The following LARP1B variants were observed in gnomAD, a reference collection of about 807,000 sequenced individuals.
The protein encoded by LARP1B is la-related protein 1B.
In LARP1B, 76 loss-of-function variants were observed where a neutral mutation model predicts 114.2. The observed-to-expected ratio is 0.67, with a 90% CI of 0.55 to 0.81. The LOEUF (loss-of-function observed/expected upper bound fraction) is 0.81. LARP1B is among the 30% of genes least tolerant of loss of function. The pLI is 0.00. For synonymous variants in LARP1B, 345 were observed against 348.0 expected (o/e 0.99, Z 0.10); for missense variants, 1,014 against 1,075.8 (o/e 0.94, Z 0.80).
intron 1 of LARP1B, among the ~76,000 whole-genome samples, chr4:128,064,068 TC>T (rs1231934966): frequency 6.6e-6 from 1 of 151,938 alleles, no homozygotes; most frequent in Non-Finnish European, 1.5e-5. Context: ...GGTCAGGAGT[TC>T]GAGATCAGCC....
At chr4:128,182,405 C>T (rs966403609) in intron 15 of LARP1B, among the ~76,000 whole-genome samples, 8 of 152,078 alleles carry the variant, frequency 5.3e-5, no homozygotes, top group African/African-American at 1.7e-4. Context: ...CCACCATGCC[C>T]AGCTACTATT....
intron 9 of LARP1B, chr4:128,108,800 CAT>C (rs1383051039): frequency 5.1e-6 from 5 of 984,266 alleles, no homozygotes; most frequent in Admixed American, 6.2e-5. Flanking sequence ...GATAAAATAG[CAT>C]ATACTTTCTC....
intron 11 of LARP1B, among the ~76,000 whole-genome samples, chr4:128,161,050 A>G (rs1738236190): frequency 6.6e-6 from 1 of 152,206 alleles, no homozygotes; most frequent in Admixed American, 6.5e-5. Context: ...GTTGCCCTGT[A>G]AAGATTCATG....
At chr4:128,114,878 C>G in intron 10 of LARP1B, 136 bp downstream of exon 10, 1 of 643,632 alleles carries the variant, frequency 1.6e-6, no homozygotes, top group Non-Finnish European at 2.7e-6. Flanking sequence ...TGTTGGCCTT[C>G]AGTAGACACT....
intron 6 of LARP1B, among the ~76,000 whole-genome samples, chr4:128,219,140 A>C (rs1240946685): frequency 5.3e-5 from 8 of 151,172 alleles, no homozygotes; most frequent in Non-Finnish European, 8.9e-5. Context: ...AAAAGTCAGG[A>C]AACAACAGGT....
intron 12 of LARP1B, among the ~76,000 whole-genome samples, chr4:128,170,872 C>CTTTTTTTTTTTTTTTTT (rs70966085): frequency 4.5e-4 from 43 of 94,916 alleles, no homozygotes; most frequent in South Asian, 7.2e-4. Flanking sequence ...TTTTTCTTTT[C>CTTTTTTTTTTTTTTTTT]TTTTTTTTTT....
At chr4:128,107,665 T>TA (rs1366309723) in intron 9 of LARP1B, 1 of 1,430,038 alleles carries the variant, frequency 7.0e-7, no homozygotes, top group African/African-American at 1.4e-5. Flanking sequence ...AAAGGTCTTA[T>TA]ACTCAAGAGT....
intron 10 of LARP1B, among the ~76,000 whole-genome samples, chr4:128,121,248 C>T (rs1371845223): frequency 6.6e-6 from 1 of 152,210 alleles, no homozygotes; most frequent in African/African-American, 2.4e-5. Flanking sequence ...TAAAAAGGTT[C>T]GGAATAGGGA....
At chr4:128,153,554 T>G (rs1733947016) in intron 11 of LARP1B, among the ~76,000 whole-genome samples, 2 of 152,194 alleles carry the variant, frequency 1.3e-5, no homozygotes, top group South Asian at 4.1e-4. Context: ...TCCATCCGCC[T>G]TGGCCTCCCA....
chr4:128,077,733 G>C, intron 3 of LARP1B, 55 bp from the exon 4 acceptor site: 1 of 1,446,292 alleles, frequency 6.9e-7, no homozygotes, highest in Non-Finnish European at 9.1e-7. Flanking sequence ...AAATTTTTGG[G>C]TATGTTAGTG....
In LARP1B at chr4:128,091,364, TATGGTTATCAAGAAC is replaced by T. The variant is rs759172164; in HGVS notation, c.526_540del (p.Tyr176_Gly180del). The T allele has an allele frequency of 3.9e-5, 63 of 1,610,490 alleles. No homozygotes were observed. The highest frequency in any genetic ancestry group is 1.7e-4 in the Admixed American group (10 of 59,472). On this transcript the variant is annotated inframe_deletion, in exon 7 of 20. Transcript: ENST00000326639. ...ACATCAAGTGAACTTTGATTATTCA[TATGGTTATCAAGAAC>T]ATGGTGAAAGGACTGATCAACCATT...
At chr4:128,122,300 C>A in intron 11 of LARP1B, 112 bp downstream of exon 11, 1 of 1,513,812 alleles carries the variant, frequency 6.6e-7, no homozygotes. Context: ...AATATAAATA[C>A]ATTGTATTTA....
At chr4:128,082,342 A>G in intron 5 of LARP1B, 37 bp downstream of exon 5, 1 of 1,573,524 alleles carries the variant, frequency 6.4e-7, no homozygotes, top group Non-Finnish European at 8.7e-7. Flanking sequence ...GACTAAGGAA[A>G]GACTTAGTCT....
chr4:128,138,618 A>G (rs1428651709), intron 11 of LARP1B, among the ~76,000 whole-genome samples: 2 of 152,210 alleles, frequency 1.3e-5, no homozygotes, highest in South Asian at 4.1e-4. Flanking sequence ...ATAAGAAATT[A>G]GAATTCATGA....
At chr4:128,157,415 G>A (rs934742284) in intron 11 of LARP1B, among the ~76,000 whole-genome samples, 2 of 152,114 alleles carry the variant, frequency 1.3e-5, no homozygotes, top group African/African-American at 4.8e-5. Context: ...GGAAGAGAGA[G>A]AGAATAAAGC....
chr4:128,143,232 C>G (rs551415683), intron 11 of LARP1B, among the ~76,000 whole-genome samples: 115 of 152,122 alleles, frequency 7.6e-4, no homozygotes, highest in African/African-American at 2.7e-3. Context: ...TTGCAGTGAG[C>G]CAAGATCATG....
chr4:128,169,060 T>C (rs1476074105), intron 12 of LARP1B, among the ~76,000 whole-genome samples: 1 of 152,168 alleles, frequency 6.6e-6, no homozygotes, highest in African/African-American at 2.4e-5. Flanking sequence ...CTGGAATTTA[T>C]AATATGCTCT....
chr4:128,153,978 T>C (rs1734179090), intron 11 of LARP1B, among the ~76,000 whole-genome samples: 1 of 152,228 alleles, frequency 6.6e-6, no homozygotes, highest in South Asian at 2.1e-4. Flanking sequence ...TCCTTTCATA[T>C]TCATTCCTAC....
At chr4:128,085,714 C>T (rs1773218001) in intron 5 of LARP1B, among the ~76,000 whole-genome samples, 1 of 152,084 alleles carries the variant, frequency 6.6e-6, no homozygotes, top group South Asian at 2.1e-4. Context: ...GCATATAGCC[C>T]TTTGTCTTTT....
Sources: allele counts gnomAD v4.1 joint callset (sites outside exome capture counted in the v4.1 genomes callset), GRCh38; gene constraint gnomAD v4.1.1; transcripts MANE v1.5; gene names NCBI Gene and HGNC (gene_info 2026-07-23, HGNC 2026-07-21).